Variants in MICU3 observed in about 807,000 individuals in gnomAD.
MICU3 encodes the protein calcium uptake protein 3, mitochondrial.
Under a neutral mutation model 66.5 loss-of-function variants are expected in MICU3, and 62 were observed. The ratio of observed to expected loss-of-function variants is 0.93; its 90% CI spans 0.76 to 1.15. The LOEUF is 1.15. Among genes scored for constraint, MICU3 ranks in the 50% most tolerant of loss-of-function variants. MICU3 has a pLI of 0.00. For synonymous variants in MICU3, 308 were observed against 240.7 expected (o/e 1.28, Z -2.59); for missense variants, 779 against 664.4 (o/e 1.17, Z -1.90).
intron 5 of MICU3, chr8:17,081,941 A>G: frequency 2.7e-6 from 1 of 364,322 alleles, no homozygotes; most frequent in Non-Finnish European, 5.1e-6. Flanking sequence ...TGGTATAGTA[A>G]TAAATGCTCA....
chr8:17,038,962 A>T (rs60230052), intron 1 of MICU3, among the ~76,000 whole-genome samples: 1 of 138,612 alleles, frequency 7.2e-6, no homozygotes, highest in Admixed American at 7.2e-5. Context: ...CAAAAAAAAA[A>T]AAAAATAAAT....
At chr8:17,057,823 T>TTTGTTG (rs1229534284) in intron 1 of MICU3, among the ~76,000 whole-genome samples, 4 of 151,092 alleles carry the variant, frequency 2.6e-5, no homozygotes, top group African/African-American at 2.4e-5. Context: ...TTTTTCGTTT[T>TTTGTTG]TTGTTGTTGT....
chr8:17,137,924 C>T, the MICU3 span, among the ~76,000 whole-genome samples: 2 of 151,686 alleles, frequency 1.3e-5, no homozygotes, highest in Non-Finnish European at 2.9e-5. Flanking sequence ...ACCATATTGG[C>T]CGGGATGGTC....
downstream of MICU3, among the ~76,000 whole-genome samples, chr8:17,126,108 A>T (rs564252375): frequency 6.6e-6 from 1 of 151,236 alleles, no homozygotes; most frequent in African/African-American, 2.4e-5. Flanking sequence ...GGAAGGGGAG[A>T]TCCAGGGGGA....
the MICU3 span, among the ~76,000 whole-genome samples, chr8:17,137,860 G>A: frequency 1.3e-5 from 2 of 151,504 alleles, no homozygotes; most frequent in African/African-American, 4.9e-5. Flanking sequence ...GGGACTACAG[G>A]TGCGCACCAC....
At chr8:17,047,819 A>G (rs1815346936) in intron 1 of MICU3, among the ~76,000 whole-genome samples, 1 of 152,254 alleles carries the variant, frequency 6.6e-6, no homozygotes, top group Non-Finnish European at 1.5e-5. Flanking sequence ...AAGAGTGCAT[A>G]TCAGGAAGAA....
At chr8:17,127,866 CA>C in the MICU3 span, among the ~76,000 whole-genome samples, 2 of 151,062 alleles carry the variant, frequency 1.3e-5, no homozygotes, top group Admixed American at 1.3e-4. Flanking sequence ...CCTTCAAAAA[CA>C]AAAAACAAAA....
At chr8:17,114,242 C>G (rs1159074301) in intron 12 of MICU3, 41 bp downstream of exon 12, 1 of 1,267,432 alleles carries the variant, frequency 7.9e-7, no homozygotes, top group Non-Finnish European at 1.1e-6. Context: ...AGAAGTAATA[C>G]TACATTGTTT....
intron 8 of MICU3, among the ~76,000 whole-genome samples, chr8:17,090,894 G>A (rs1231287566): frequency 2.6e-5 from 4 of 152,060 alleles, no homozygotes; most frequent in African/African-American, 9.7e-5. Flanking sequence ...GTTATGTAGA[G>A]AGAGCAGATT....
intron 11 of MICU3, among the ~76,000 whole-genome samples, chr8:17,108,275 T>A (rs1563389832): frequency 6.6e-6 from 1 of 152,134 alleles, no homozygotes; most frequent in Non-Finnish European, 1.5e-5. Context: ...GATATGTGAA[T>A]CTAGCGGTCA....
At chr8:17,057,261 C>G (rs1021414673) in intron 1 of MICU3, among the ~76,000 whole-genome samples, 3 of 152,072 alleles carry the variant, frequency 2.0e-5, no homozygotes, top group Admixed American at 6.6e-5. Context: ...ATGTCTCAGG[C>G]ACAGGTTGAC....
intron 11 of MICU3, among the ~76,000 whole-genome samples, chr8:17,108,587 G>C (rs6587016): frequency 0.25 from 37,785 of 151,872 alleles, 4,895 homozygotes; most frequent in East Asian, 0.4. Context: ...AGTCTATCAA[G>C]AAATCCTATT....
intron 1 of MICU3, among the ~76,000 whole-genome samples, chr8:17,028,762 C>G (rs1340620249): frequency 6.6e-6 from 1 of 152,074 alleles, no homozygotes; most frequent in Non-Finnish European, 1.5e-5. Context: ...ATTCAAAATA[C>G]TAGGAAATAC....
the MICU3 span, among the ~76,000 whole-genome samples, chr8:17,138,406 G>A: frequency 2.0e-5 from 3 of 152,166 alleles, no homozygotes; most frequent in Non-Finnish European, 2.9e-5. Flanking sequence ...TGGCAGGGTG[G>A]TGGACCACGA....
chr8:17,105,708 A>G (rs1585526208), intron 11 of MICU3, 124 bp downstream of exon 11: 1 of 502,012 alleles, frequency 2.0e-6, no homozygotes, highest in East Asian at 3.5e-5. Context: ...GATGTGTTTC[A>G]TTCTGTGTCC....
rs1803169364 is a variant in MICU3 at position 17,121,164 on chromosome 8, C to T, written c.*877C>T. 1 of 151,830 alleles carries T rather than the reference C, an allele frequency of 6.6e-6. No individual in the cohort carries two copies. The highest frequency in any genetic ancestry group is 2.4e-5 in the African/African-American group (1 of 41,418). The allele number at this position is 151,830 out of a possible 1,614,324, so 9.4% of individuals were successfully genotyped here. On this transcript the variant is annotated 3_prime_UTR_variant, in exon 15 of 15. Transcript: ENST00000318063. ...AAAAATAACGTCTTACACTCTGTAA[C>T]TTACTGCATATTGTTAATGTATGTC...
chr8:17,047,353 AT>A (rs1171505037), intron 1 of MICU3, among the ~76,000 whole-genome samples: 1 of 152,222 alleles, frequency 6.6e-6, no homozygotes, highest in African/African-American at 2.4e-5. Flanking sequence ...ATTATGAAAT[AT>A]TTTTAACATG....
At position 17,062,133 on chromosome 8, in the gene MICU3, A is replaced by C. The variant is rs181772381; in HGVS notation, c.382-1951A>C. 8.5e-4 allele frequency among the ~76,000 whole-genome samples: 129 copies of C among 152,288 alleles called. 2 individuals carry two copies. Among genetic ancestry groups the C allele is most frequent in the Admixed American group, 8.2e-3 (125 of 15,294 alleles). The stretch of plus-strand genomic sequence containing the variant: ...CACCATCCTTTTACTACACTTCTCC[A>C]TGAATATGAATCCTCTGCCCAGGAA... On this transcript the variant is annotated intron_variant, in intron 1 of 14. Transcript: ENST00000318063.
At chr8:17,096,542 C>T (rs1251569430) in intron 8 of MICU3, among the ~76,000 whole-genome samples, 1 of 151,748 alleles carries the variant, frequency 6.6e-6, no homozygotes, top group Non-Finnish European at 1.5e-5. Flanking sequence ...TTTTTTCCTG[C>T]AGCAGTAGTT....
Sources: allele counts gnomAD v4.1 joint callset (sites outside exome capture counted in the v4.1 genomes callset), GRCh38; gene constraint gnomAD v4.1.1; transcripts MANE v1.5; gene names NCBI Gene and HGNC (gene_info 2026-07-23, HGNC 2026-07-21).